Variants in GIPC2 observed in about 807,000 individuals in gnomAD.
The protein encoded by GIPC2 is GIPC PDZ domain containing family member 2, also known as PDZ domain-containing protein GIPC2.
Under a neutral mutation model 30.6 loss-of-function variants are expected in GIPC2, and 30 were observed. The observed-to-expected ratio is 0.98, with a 90% CI of 0.73 to 1.33. The LOEUF is 1.33. Among genes scored for constraint, GIPC2 ranks in the 40% most tolerant of loss-of-function variants. GIPC2 has a pLI of 0.00. For missense variants in GIPC2, 414 were observed against 390.3 expected (o/e 1.06, Z -0.51); for synonymous variants, 167 against 150.0 (o/e 1.11, Z -0.83).
intron 1 of GIPC2, chr1:78,069,170 C>G (rs1396358931): frequency 1.3e-6 from 1 of 775,108 alleles, no homozygotes; most frequent in Non-Finnish European, 1.6e-6. Flanking sequence ...AAGTCTGTGA[C>G]AGAATTCTGT....
intron 1 of GIPC2, among the ~76,000 whole-genome samples, chr1:78,049,016 G>C (rs1252380175): frequency 6.6e-6 from 1 of 152,170 alleles, no homozygotes; most frequent in African/African-American, 2.4e-5. Context: ...GGTCATCATA[G>C]CATAGTACGC....
At position 78,095,042 on chromosome 1, in the gene GIPC2, T is replaced by C. The variant is rs1662111010; in HGVS notation, c.517T>C (p.Trp173Arg). The change falls in exon 3 of 6, where the codon TGG becomes CGG. Residue 173 changes from tryptophan to arginine, a missense_variant. By Grantham distance (101) the Trp-to-Arg change is moderately radical (BLOSUM62 -3). Coordinates refer to ENST00000370759, the MANE Select transcript of GIPC2 (RefSeq NM_017655.6). ...ESINGENIVGWRHYDVAKKLK... is the reference protein window; with the variant it reads ...ESINGENIVGRRHYDVAKKLK... Reference sequence around the variant, plus strand: ...CATAAATGGAGAAAATATTGTTGGGTGGCGTCACTATGATGTTGCTAAGAA... The same window carrying C: ...CATAAATGGAGAAAATATTGTTGGGCGGCGTCACTATGATGTTGCTAAGAA... The C allele has an allele frequency of 6.2e-7, 1 of 1,607,060 alleles. No homozygotes were observed. Among genetic ancestry groups the C allele is most frequent in the Non-Finnish European group, 8.5e-7 (1 of 1,173,734 alleles).
intron 5 of GIPC2, among the ~76,000 whole-genome samples, chr1:78,132,278 A>G (rs1662914173): frequency 6.6e-6 from 1 of 152,214 alleles, no homozygotes; most frequent in Non-Finnish European, 1.5e-5. Flanking sequence ...ATTCTTAGTG[A>G]TGATCACTAA....
chr1:78,101,029 G>T (rs1662241409), intron 3 of GIPC2, among the ~76,000 whole-genome samples: 1 of 150,860 alleles, frequency 6.6e-6, no homozygotes, highest in African/African-American at 2.4e-5. Context: ...TAGAGAATGA[G>T]ATTTATGAGT....
At chr1:78,067,230 G>T (rs1361176162) in intron 1 of GIPC2, among the ~76,000 whole-genome samples, 1 of 152,066 alleles carries the variant, frequency 6.6e-6, no homozygotes, top group Non-Finnish European at 1.5e-5. Context: ...TCAGGGTAGG[G>T]TGGCCTGTCC....
At chr1:78,114,238 T>C (rs1662526662) in intron 3 of GIPC2, among the ~76,000 whole-genome samples, 2 of 152,160 alleles carry the variant, frequency 1.3e-5, no homozygotes, top group Non-Finnish European at 2.9e-5. Flanking sequence ...CTGTATCCAC[T>C]GCATCCCTGT....
intron 2 of GIPC2, among the ~76,000 whole-genome samples, chr1:78,083,085 A>G (rs1402494309): frequency 7.7e-6 from 1 of 130,434 alleles, no homozygotes; most frequent in Non-Finnish European, 1.6e-5. Flanking sequence ...AAACTAATCT[A>G]TAGTTCACAT....
intron 2 of GIPC2, among the ~76,000 whole-genome samples, chr1:78,084,539 G>GT (rs1401181391): frequency 6.7e-6 from 1 of 150,286 alleles, no homozygotes; most frequent in African/African-American, 2.4e-5. Flanking sequence ...TTACGAACTC[G>GT]TAACGATGCT....
At chr1:78,124,405 T>C (rs1662744080) in intron 4 of GIPC2, among the ~76,000 whole-genome samples, 1 of 152,214 alleles carries the variant, frequency 6.6e-6, no homozygotes, top group Admixed American at 6.5e-5. Flanking sequence ...GTAATACATG[T>C]GTAATTGATA....
At chr1:78,055,603 A>T (rs1007320121) in intron 1 of GIPC2, among the ~76,000 whole-genome samples, 1 of 151,960 alleles carries the variant, frequency 6.6e-6, no homozygotes. Flanking sequence ...TGCTCCTCCC[A>T]TTATTACCTC....
At chr1:78,132,366 A>T (rs1428054681) in intron 5 of GIPC2, among the ~76,000 whole-genome samples, 1 of 152,190 alleles carries the variant, frequency 6.6e-6, no homozygotes, top group Admixed American at 6.5e-5. Context: ...AGACTGTATC[A>T]GCAGCTCTGG....
At chr1:78,113,624 A>G (rs1325093278) in intron 3 of GIPC2, among the ~76,000 whole-genome samples, 1 of 152,154 alleles carries the variant, frequency 6.6e-6, no homozygotes, top group African/African-American at 2.4e-5. Context: ...CCTGGGCTCA[A>G]GTGATCCGCC....
At chr1:78,074,750 C>T (rs775717713) in intron 1 of GIPC2, among the ~76,000 whole-genome samples, 4 of 151,920 alleles carry the variant, frequency 2.6e-5, no homozygotes, top group Non-Finnish European at 5.9e-5. Context: ...TCCAGTCTAT[C>T]GATTTATTTA....
rs1461620756 is a variant in GIPC2, at chr1:78,091,875, A to G, written c.427-3077A>G. ...GATGTAAGAATCTTGTGGAAGAAGA[A>G]TGAAGTTGCTGATTCTGAAGCTACA... On this transcript the variant is annotated intron_variant, in intron 2 of 5. Coordinates refer to ENST00000370759, the MANE Select transcript of GIPC2 (RefSeq NM_017655.6). 3.8e-6 allele frequency: 3 copies of G among 780,364 alleles called. No homozygotes were observed. In the East Asian group the frequency reaches 7.3e-5, roughly 19 times the overall value. 48.3% of individuals were successfully genotyped at this position (780,364 alleles called of 1,614,324 possible). A position where few individuals can be genotyped will look rare whatever the true frequency, so the allele number is the denominator to read the frequency against.
chr1:78,130,330 C>G (rs1407753421), intron 5 of GIPC2, among the ~76,000 whole-genome samples: 4 of 152,124 alleles, frequency 2.6e-5, no homozygotes, highest in African/African-American at 9.7e-5. Context: ...TCCCGAACTC[C>G]TGACCTTGTG....
At chr1:78,113,329 C>T (rs1050876101) in intron 3 of GIPC2, among the ~76,000 whole-genome samples, 1 of 152,170 alleles carries the variant, frequency 6.6e-6, no homozygotes, top group Non-Finnish European at 1.5e-5. Flanking sequence ...ACACCATAGT[C>T]TCCTGAGTAG....
At chr1:78,122,855 T>G (rs1571525646) in intron 4 of GIPC2, among the ~76,000 whole-genome samples, 1 of 151,936 alleles carries the variant, frequency 6.6e-6, no homozygotes, top group Non-Finnish European at 1.5e-5. Flanking sequence ...GAGAGAAGCA[T>G]GAAAAGAAGC....
chr1:78,086,325 G>A (rs1328087396), intron 2 of GIPC2, among the ~76,000 whole-genome samples: 1 of 152,240 alleles, frequency 6.6e-6, no homozygotes, highest in South Asian at 2.1e-4. Context: ...GCTGAGGAGT[G>A]TTTTATGTCC....
chr1:78,074,350 C>G (rs1260640611), intron 1 of GIPC2, among the ~76,000 whole-genome samples: 1 of 152,074 alleles, frequency 6.6e-6, no homozygotes, highest in East Asian at 1.9e-4. Context: ...TGCCTCAGTC[C>G]TAAGTAGTTG....
Sources: allele counts gnomAD v4.1 joint callset (sites outside exome capture counted in the v4.1 genomes callset), GRCh38; gene constraint gnomAD v4.1.1; transcripts MANE v1.5; gene names NCBI Gene and HGNC (gene_info 2026-07-23, HGNC 2026-07-21).